ETV1: variants seen among roughly 807,000 people sequenced by gnomAD.
ETV1 encodes the protein ETS variant transcription factor 1, also known as ETS translocation variant 1.
Under a neutral mutation model 62.3 loss-of-function variants are expected in ETV1, and 27 were observed. The observed-to-expected ratio is 0.43, with a 90% CI of 0.32 to 0.60. ETV1 has a LOEUF of 0.60. ETV1 is among the 20% of genes least tolerant of loss of function. The pLI is 0.06. For missense variants in ETV1, 605 were observed against 605.8 expected, an observed-to-expected ratio of 1.00 and a Z score of 0.01; for synonymous variants, 222 against 199.6, an observed-to-expected ratio of 1.11 and a Z score of -0.94.
chr7:13,962,621 A>G (rs1306026995), intron 6 of ETV1, among the ~76,000 whole-genome samples: 1 of 152,110 alleles, frequency 6.6e-6, no homozygotes, highest in African/African-American at 2.4e-5. Flanking sequence ...GAGCATCATT[A>G]TTTTGTTAAG....
chr7:13,891,356 A>C lies in ETV1; in HGVS notation c.*4510T>G, dbSNP rs1271897798. Reference sequence around the variant, plus strand: ...TTTAATACAACCAAGTGAATTAAAAATTTTCTTCCCCATAGAAGCATAAAT... The same window carrying C: ...TTTAATACAACCAAGTGAATTAAAACTTTTCTTCCCCATAGAAGCATAAAT... On this transcript the variant is annotated 3_prime_UTR_variant, in exon 14 of 14. Transcript: ENST00000430479. 1.7e-5 allele frequency: 4 copies of C among 231,228 alleles called. No individual in the cohort carries two copies. Among genetic ancestry groups the C allele is most frequent in the Non-Finnish European group, 3.4e-5 (4 of 116,948 alleles). 14.3% of individuals were successfully genotyped at this position (231,228 alleles called of 1,614,324 possible).
chr7:13,977,525 C>A, intron 5 of ETV1, 45 bp from the exon 6 acceptor site: 1 of 1,306,216 alleles, frequency 7.7e-7, no homozygotes, highest in Non-Finnish European at 1.1e-6. Flanking sequence ...AGAGAAACTG[C>A]CAAAAGCATA....
chr7:13,911,273 T>A lies in ETV1; in HGVS notation c.837A>T (p.Gln279His), dbSNP rs775029555. 1.2e-6 allele frequency: 2 copies of A among 1,613,106 alleles called. No individual in the cohort carries two copies. Among genetic ancestry groups the A allele is most frequent in the Non-Finnish European group, 1.7e-6 (2 of 1,179,250 alleles). ...TGCTGGGATGAGCCAGGAAGCCTTC[T>A]TGCCTCATATAAATGGAGTGGCAGC... ...VPSCHSIYMR[Q>H]EGFLAHPSRT... Residue 279 changes from glutamine (Q) to histidine (H), a missense_variant, in exon 10 of 14, where the codon CAA becomes CAT. Gln to His is a conservative substitution (Grantham distance 24). Transcript: ENST00000430479.
chr7:13,941,291 T>C (rs576981573), intron 6 of ETV1, among the ~76,000 whole-genome samples: 1 of 152,318 alleles, frequency 6.6e-6, no homozygotes, highest in Non-Finnish European at 1.5e-5. Context: ...TTAATGTCTG[T>C]TAATTTTGTT....
intron 4 of ETV1, 91 bp downstream of exon 4, chr7:13,987,995 T>G: frequency 1.4e-6 from 1 of 729,928 alleles, no homozygotes; most frequent in East Asian, 2.5e-5. Flanking sequence ...AGTTTATTAT[T>G]TTTAAGATAA....
At chr7:13,971,021 G>A (rs1028576565) in intron 6 of ETV1, among the ~76,000 whole-genome samples, 3 of 151,616 alleles carry the variant, frequency 2.0e-5, no homozygotes, top group Admixed American at 1.3e-4. Flanking sequence ...ACCCAGGCTG[G>A]AGTGCGATGG....
rs1224272842 is a variant in ETV1, at chr7:13,939,255, A to G, written c.236-9T>C. On this transcript the variant is annotated splice_polypyrimidine_tract_variant and intron_variant, in intron 6 of 13. Transcript: ENST00000430479. ...CAGGCCATGAAAAGCCACTAGAAAA[A>G]AGAACAAAAATATCCACAAAAATTA... The G allele has an allele frequency of 4.4e-6, 7 of 1,598,038 alleles. No homozygotes were observed. The highest frequency in any genetic ancestry group is 2.7e-5 in the African/African-American group (2 of 73,750).
At chr7:13,941,477 G>C (rs1388750815) in intron 6 of ETV1, among the ~76,000 whole-genome samples, 1 of 152,160 alleles carries the variant, frequency 6.6e-6, no homozygotes, top group East Asian at 1.9e-4. Flanking sequence ...TTGAAGGGCA[G>C]GAGGGAATTA....
chr7:13,897,878 G>C (rs1043711071), intron 13 of ETV1, among the ~76,000 whole-genome samples: 1 of 152,166 alleles, frequency 6.6e-6, no homozygotes, highest in African/African-American at 2.4e-5. Flanking sequence ...AATGTGCTTT[G>C]TTTTGTTTGG....
chr7:13,988,737 C>T, intron 3 of ETV1: 1 of 1,612,726 alleles, frequency 6.2e-7, no homozygotes, highest in East Asian at 2.2e-5. Context: ...GCAGCAGCTG[C>T]TGCTGCCCTC....
At chr7:13,956,816 ACT>A (rs908392071) in intron 6 of ETV1, among the ~76,000 whole-genome samples, 14 of 152,060 alleles carry the variant, frequency 9.2e-5, no homozygotes, top group African/African-American at 2.4e-4. Flanking sequence ...TAGGAAACAA[ACT>A]CTGCGTTTGA....
rs185361373 is a variant in ETV1 at position 13,895,608 on chromosome 7, C to A, written c.*258G>T. On this transcript the variant is annotated 3_prime_UTR_variant, in exon 14 of 14. Coordinates refer to ENST00000430479, the MANE Select transcript of ETV1 (RefSeq NM_004956.5). ...ATCCCAAGCCTAAGTAAAAAGTAAT[C>A]CCCAAATCCCTCTGCCCATTCACCC... 1.1e-3 allele frequency: 499 copies of A among 442,608 alleles called. 3 individuals carry two copies. Among genetic ancestry groups the A allele is most frequent in the African/African-American group, 8.9e-3 (458 of 51,612 alleles). 27.4% of individuals were successfully genotyped at this position (442,608 alleles called of 1,614,324 possible).
intron 6 of ETV1, among the ~76,000 whole-genome samples, chr7:13,972,115 G>GA (rs1056621827): frequency 3.5e-4 from 51 of 147,424 alleles, no homozygotes; most frequent in African/African-American, 8.0e-4. Context: ...GTCTCAAAAA[G>GA]AAAAAAAAAA....
intron 6 of ETV1, among the ~76,000 whole-genome samples, chr7:13,955,907 C>T (rs1041921428): frequency 6.6e-6 from 1 of 152,058 alleles, no homozygotes; most frequent in African/African-American, 2.4e-5. Flanking sequence ...ACAAATGAAC[C>T]AAGCCAAATT....
intron 9 of ETV1, among the ~76,000 whole-genome samples, chr7:13,923,924 A>G (rs1252560381): frequency 6.6e-6 from 1 of 152,028 alleles, no homozygotes; most frequent in African/African-American, 2.4e-5. Context: ...GATCCCAGCT[A>G]CTCAGGAGGC....
intron 6 of ETV1, among the ~76,000 whole-genome samples, chr7:13,947,860 C>T (rs1788355914): frequency 6.6e-6 from 1 of 152,102 alleles, no homozygotes. Flanking sequence ...AAGACACAGT[C>T]CTTATTATCA....
At chr7:13,966,274 T>C (rs1012937507) in intron 6 of ETV1, among the ~76,000 whole-genome samples, 2 of 152,172 alleles carry the variant, frequency 1.3e-5, no homozygotes, top group Admixed American at 6.5e-5. Flanking sequence ...CAGACACTGA[T>C]AGCCATCATC....
At chr7:13,958,402 C>T (rs1005941206) in intron 6 of ETV1, among the ~76,000 whole-genome samples, 1 of 152,144 alleles carries the variant, frequency 6.6e-6, no homozygotes, top group African/African-American at 2.4e-5. Flanking sequence ...AACACTGCTA[C>T]CATTCTCTCT....
At chr7:13,986,481 A>C in intron 5 of ETV1, 157 bp downstream of exon 5, 3 of 1,508,470 alleles carry the variant, frequency 2.0e-6, no homozygotes, top group Non-Finnish European at 2.6e-6. Flanking sequence ...GTCCCCAAAG[A>C]CAAACTCATC....
Sources: gnomAD v4.1 joint callset for allele counts (sites outside exome capture counted in the v4.1 genomes callset) on GRCh38, gnomAD v4.1.1 for gene constraint, MANE v1.5 for transcripts, NCBI Gene and HGNC (gene_info 2026-07-23, HGNC 2026-07-21) for gene names.